Variants in SWT1 observed in about 807,000 individuals in gnomAD.
SWT1 encodes transcriptional protein SWT1.
SWT1 carries 33 observed loss-of-function variants against 107.3 expected under a neutral mutation model. The observed-to-expected ratio is 0.31, with a 90% confidence interval of 0.23 to 0.41. The LOEUF is 0.41. Among genes scored for constraint, SWT1 ranks in the 10% least tolerant of loss-of-function variants. The pLI is 1.00. For synonymous variants in SWT1, 345 were observed against 348.3 expected (o/e 0.99, Z 0.11); for missense variants, 898 against 1,028.9 (o/e 0.87, Z 1.74).
chr1:185,162,914 C>T (rs901835229), intron 2 of SWT1, among the ~76,000 whole-genome samples: 7 of 151,432 alleles, frequency 4.6e-5, no homozygotes, highest in African/African-American at 9.7e-5. Context: ...GCCTGAGAAT[C>T]GTGCCACTGC....
chr1:185,172,179 T>C (rs552491981), intron 4 of SWT1, among the ~76,000 whole-genome samples: 1 of 152,156 alleles, frequency 6.6e-6, no homozygotes, highest in Non-Finnish European at 1.5e-5. Context: ...GTGTTTGACA[T>C]TTTTCCCCTT....
chr1:185,235,444 A>G (rs982746395), intron 16 of SWT1, among the ~76,000 whole-genome samples: 3 of 152,228 alleles, frequency 2.0e-5, no homozygotes, highest in African/African-American at 7.2e-5. Flanking sequence ...GCATATAAAC[A>G]GAGCCAAAGA....
chr1:185,271,490 T>TAAAGCAAATATC, intron 17 of SWT1, 101 bp downstream of exon 17: 2 of 635,656 alleles, frequency 3.1e-6, no homozygotes, highest in Non-Finnish European at 5.6e-6. Context: ...GAATGCTATT[T>TAAAGCAAATATC]AATTGATATT....
rs551234581 is a variant in SWT1 at position 185,161,116 on chromosome 1, G to T, written c.84+191G>T. On this transcript the variant is annotated intron_variant, in intron 2 of 18. Transcript: ENST00000367500. ...TATTCCTCACAACTGTATGAGGTGG[G>T]TACTATTATTCCAATTACACAGATG... 5.3e-5 allele frequency among the ~76,000 whole-genome samples: 8 copies of T among 152,272 alleles called. No individual in the cohort carries two copies. In the South Asian group the frequency reaches 1.7e-3, roughly 32 times the overall value.
chr1:185,211,347 A>G (rs1454263393), intron 13 of SWT1, among the ~76,000 whole-genome samples: 3 of 152,224 alleles, frequency 2.0e-5, no homozygotes, highest in Non-Finnish European at 4.4e-5. Context: ...AAACAGATAT[A>G]TAGACCAGTG....
chr1:185,209,182 T>C (rs1558041610), intron 13 of SWT1, among the ~76,000 whole-genome samples: 2 of 152,100 alleles, frequency 1.3e-5, no homozygotes, highest in African/African-American at 4.8e-5. Flanking sequence ...AATGCAAGCA[T>C]GAGCTCCCCT....
chr1:185,204,561 GAAAAT>G (rs1658155385), intron 11 of SWT1, 134 bp from the exon 12 acceptor site: 2 of 394,904 alleles, frequency 5.1e-6, no homozygotes, highest in Non-Finnish European at 8.9e-6. Context: ...AAATTGTTTT[GAAAAT>G]AAAATATTTG....
intron 13 of SWT1, 138 bp downstream of exon 13, chr1:185,206,901 T>A: frequency 1.6e-6 from 1 of 620,608 alleles, no homozygotes; most frequent in Non-Finnish European, 2.5e-6. Context: ...TTTATAAAGG[T>A]ATTTGTGGAA....
chr1:185,162,839 T>C (rs1654263327), intron 2 of SWT1, among the ~76,000 whole-genome samples: 1 of 151,616 alleles, frequency 6.6e-6, no homozygotes, highest in Non-Finnish European at 1.5e-5. Context: ...ATATGTTAAT[T>C]TAAAAATAGG....
chr1:185,266,209 G>A (rs923140047), intron 16 of SWT1, among the ~76,000 whole-genome samples: 2 of 151,332 alleles, frequency 1.3e-5, no homozygotes, highest in African/African-American at 2.4e-5. Flanking sequence ...GACTACAGGC[G>A]CCCGCCACCA....
intron 13 of SWT1, among the ~76,000 whole-genome samples, chr1:185,212,377 G>A (rs1658886516): frequency 6.6e-6 from 1 of 152,058 alleles, no homozygotes; most frequent in African/African-American, 2.4e-5. Flanking sequence ...TTTCCTGGCA[G>A]GGGGGTCTGC....
In SWT1 at chr1:185,283,898, T is replaced by G. The variant is rs139978471; in HGVS notation, c.2574-6776T>G. ...TATTCATTCATCTCTTGATGGACATTTGGGTTCTTTCCACTTTTTGACTGT... is the reference window on the plus strand; with the variant it reads ...TATTCATTCATCTCTTGATGGACATGTGGGTTCTTTCCACTTTTTGACTGT... On this transcript the variant is annotated intron_variant, in intron 18 of 18. Transcript: ENST00000367500. Among the ~76,000 whole-genome samples the G allele has an allele frequency of 5.0e-3, 761 of 152,312 alleles. 6 individuals carry two copies. The highest frequency in any genetic ancestry group is 0.017 in the African/African-American group (721 of 41,562).
intron 18 of SWT1, among the ~76,000 whole-genome samples, chr1:185,285,976 T>A (rs1450137339): frequency 3.3e-5 from 5 of 152,232 alleles, no homozygotes; most frequent in Non-Finnish European, 5.9e-5. Context: ...GTTTTGAAAT[T>A]GACAAGTGTA....
intron 18 of SWT1, among the ~76,000 whole-genome samples, chr1:185,280,668 G>A (rs1664557841): frequency 6.6e-6 from 1 of 152,188 alleles, no homozygotes; most frequent in African/African-American, 2.4e-5. Context: ...TCCAGGTTGA[G>A]TTAATAATCC....
At chr1:185,163,220 T>TA (rs1370431932) in intron 2 of SWT1, among the ~76,000 whole-genome samples, 5 of 152,108 alleles carry the variant, frequency 3.3e-5, no homozygotes, top group African/African-American at 1.2e-4. Flanking sequence ...GATAACATTT[T>TA]ACAGCAGAAC....
intron 16 of SWT1, chr1:185,251,210 C>A (rs941919811): frequency 1.3e-5 from 2 of 152,224 alleles, no homozygotes; most frequent in Non-Finnish European, 2.9e-5. Context: ...AATAAACCCA[C>A]AACATCCTGA....
intron 4 of SWT1, chr1:185,171,706 G>A (rs529722753): frequency 3.3e-5 from 16 of 479,432 alleles, no homozygotes; most frequent in Non-Finnish European, 6.5e-5. Context: ...TTTCATGGAT[G>A]CCATGGTGGC....
intron 17 of SWT1, among the ~76,000 whole-genome samples, chr1:185,272,553 A>G (rs1663946411): frequency 6.6e-6 from 1 of 152,200 alleles, no homozygotes; most frequent in South Asian, 2.1e-4. Context: ...TCTGAAGTCA[A>G]ACTACCCGTG....
At chr1:185,231,823 A>G in intron 16 of SWT1, 115 bp downstream of exon 16, 1 of 676,242 alleles carries the variant, frequency 1.5e-6, no homozygotes, top group Non-Finnish European at 2.5e-6. Context: ...GTGGCACTTT[A>G]TAGCATGAAA....
Sources: allele counts gnomAD v4.1 joint callset (sites outside exome capture counted in the v4.1 genomes callset), GRCh38; gene constraint gnomAD v4.1.1; transcripts MANE v1.5; gene names NCBI Gene and HGNC (gene_info 2026-07-23, HGNC 2026-07-21).